DMD: variants seen among roughly 807,000 people sequenced by gnomAD.
The protein encoded by DMD is dystrophin.
Under a neutral mutation model 330.1 loss-of-function variants are expected in DMD, and 63 were observed. That is an observed-to-expected ratio of 0.19 (90% CI 0.16 to 0.24). The LOEUF is 0.24. DMD is among the 10% of genes least tolerant of loss of function. DMD has a pLI of 1.00. For missense variants in DMD, 3,344 were observed against 2,684.1 expected, an observed-to-expected ratio of 1.25 and a Z score of -5.43; for synonymous variants, 1,223 against 959.8, an observed-to-expected ratio of 1.27 and a Z score of -5.07.
intron 44 of DMD, among the ~76,000 whole-genome samples, chrX:31,991,679 C>A (rs2095551453): frequency 9.8e-6 from 1 of 102,063 alleles, no homozygotes; most frequent in Non-Finnish European, 2.0e-5. Context: ...AAAGAGAAAA[C>A]AATAAGCCTC....
At chrX:32,603,912 C>T (rs926288167) in intron 12 of DMD, among the ~76,000 whole-genome samples, 1 of 111,428 alleles carries the variant, frequency 9.0e-6, no homozygotes. Context: ...CAGCCGAATT[C>T]TACCAGACAT....
intron 52 of DMD, among the ~76,000 whole-genome samples, chrX:31,691,373 G>T (rs771189585): frequency 9.0e-6 from 1 of 111,369 alleles, no homozygotes; most frequent in African/African-American, 3.3e-5. Flanking sequence ...AAGGAACAAA[G>T]AATCTGTAAG....
At chrX:32,748,191 G>A (rs1466201380) in intron 7 of DMD, among the ~76,000 whole-genome samples, 1 of 108,676 alleles carries the variant, frequency 9.2e-6, no homozygotes, top group African/African-American at 3.4e-5. Flanking sequence ...AAAAATACAC[G>A]AATTAGCCAG....
intron 16 of DMD, 143 bp downstream of exon 16, chrX:32,565,559 A>G (rs1359484635): frequency 1.7e-6 from 1 of 584,665 alleles, no homozygotes; most frequent in Non-Finnish European, 2.7e-6. Context: ...CAAGACAGGC[A>G]AAAGAATCAT....
At chrX:31,411,266 C>G in intron 60 of DMD, among the ~76,000 whole-genome samples, 1 of 111,435 alleles carries the variant, frequency 9.0e-6, no homozygotes, top group Non-Finnish European at 1.9e-5. Context: ...CCAGGCACAG[C>G]AGAAGCATGG....
intron 7 of DMD, among the ~76,000 whole-genome samples, chrX:32,771,041 G>A (rs966956043): frequency 9.0e-6 from 1 of 111,536 alleles, no homozygotes; most frequent in African/African-American, 3.3e-5. Flanking sequence ...AAGTACAAAG[G>A]TCCTGAGGCA....
chrX:32,735,938 C>G (rs778571260), intron 7 of DMD, among the ~76,000 whole-genome samples: 1 of 111,864 alleles, frequency 8.9e-6, no homozygotes, highest in South Asian at 3.7e-4. Context: ...AACTAAAGAG[C>G]TTCTGCACAA....
intron 18 of DMD, among the ~76,000 whole-genome samples, chrX:32,516,078 T>C (rs2045832762): frequency 9.0e-6 from 1 of 111,193 alleles, no homozygotes; most frequent in Admixed American, 9.6e-5. Flanking sequence ...TTGGTAATAT[T>C]TAGCCATTTT....
chrX:32,514,298 G>A (rs170604), intron 18 of DMD, among the ~76,000 whole-genome samples: 18,030 of 108,678 alleles, frequency 0.17, 1,242 homozygotes, highest in Middle Eastern at 0.24. Flanking sequence ...ATATTATTTC[G>A]ACTAAAGTAG....
At chrX:33,286,193 TAAC>T (rs1304870332) in intron 1 of DMD, among the ~76,000 whole-genome samples, 1 of 111,855 alleles carries the variant, frequency 8.9e-6, no homozygotes, top group African/African-American at 3.2e-5. Context: ...TATACCTTAA[TAAC>T]AACAATAGCT....
intron 9 of DMD, among the ~76,000 whole-genome samples, chrX:32,679,066 A>T (rs980306011): frequency 1.2e-4 from 13 of 112,133 alleles, no homozygotes; most frequent in African/African-American, 4.2e-4. Context: ...TGAAAAATTT[A>T]AAGTTATAAA....
intron 12 of DMD, among the ~76,000 whole-genome samples, chrX:32,611,802 T>A (rs1312678207): frequency 8.9e-6 from 1 of 112,123 alleles, no homozygotes; most frequent in Non-Finnish European, 1.9e-5. Flanking sequence ...CGTGGCCTAA[T>A]CTTGGCCTTT....
At chrX:31,717,891 C>T (rs1603450943) in intron 52 of DMD, among the ~76,000 whole-genome samples, 1 of 111,899 alleles carries the variant, frequency 8.9e-6, no homozygotes, top group Non-Finnish European at 1.9e-5. Context: ...ACCAGTTCTA[C>T]GTTTTTCTGA....
chrX:31,785,327 G>A (rs780305697), intron 50 of DMD, among the ~76,000 whole-genome samples: 5 of 111,642 alleles, frequency 4.5e-5, no homozygotes, highest in Admixed American at 2.9e-4. Flanking sequence ...TTGGAGTTTC[G>A]GATTTGAGAG....
chrX:31,455,818 T>C (rs764157258), intron 59 of DMD, among the ~76,000 whole-genome samples: 1 of 111,984 alleles, frequency 8.9e-6, no homozygotes, highest in Non-Finnish European at 1.9e-5. Context: ...TGGCACAAGT[T>C]AGTGCATCTT....
intron 30 of DMD, among the ~76,000 whole-genome samples, chrX:32,397,550 A>G (rs935802151): frequency 8.9e-6 from 1 of 112,159 alleles, no homozygotes; most frequent in African/African-American, 3.2e-5. Context: ...ATTATAAAAA[A>G]GGCATTTGAG....
At chrX:32,437,292 A>C (rs2098265138) in intron 29 of DMD, among the ~76,000 whole-genome samples, 1 of 111,968 alleles carries the variant, frequency 8.9e-6, no homozygotes, top group Non-Finnish European at 1.9e-5. Flanking sequence ...CTGCTGGTAC[A>C]TTTGCAGATA....
intron 6 of DMD, 52 bp from the exon 7 acceptor site, chrX:32,809,663 A>G: frequency 9.6e-7 from 1 of 1,039,259 alleles, no homozygotes; most frequent in South Asian, 1.9e-5. Context: ...AAATCAATCT[A>G]GAATGTTCCA....
intron 2 of DMD, among the ~76,000 whole-genome samples, chrX:32,899,554 G>A (rs986349580): frequency 9.3e-6 from 1 of 107,641 alleles, no homozygotes; most frequent in Non-Finnish European, 1.9e-5. Flanking sequence ...CGTGCCTGTA[G>A]TCCCAGCTAC....
Sources: gnomAD v4.1 joint callset for allele counts (sites outside exome capture counted in the v4.1 genomes callset) on GRCh38, gnomAD v4.1.1 for gene constraint, MANE v1.5 for transcripts, NCBI Gene and HGNC (gene_info 2026-07-23, HGNC 2026-07-21) for gene names.